PAK5: variants seen among roughly 807,000 people sequenced by gnomAD.
PAK5 encodes p21 (RAC1) activated kinase 5, also known as serine/threonine-protein kinase PAK 5.
A neutral mutation model predicts 65.9 loss-of-function variants in PAK5; 16 were observed. The observed-to-expected ratio is 0.24, with a 90% confidence interval of 0.16 to 0.37. The LOEUF is 0.37. Among genes scored for constraint, PAK5 ranks in the 10% least tolerant of loss-of-function variants. The probability of loss-of-function intolerance (pLI) is 1.00; values close to 1 mark genes in which losing one functional copy is unlikely to be tolerated. For synonymous variants in PAK5, 371 were observed against 354.9 expected (o/e 1.05, Z -0.51); for missense variants, 785 against 903.9 (o/e 0.87, Z 1.69).
chr20:9,716,857 C>A (rs989468691), intron 1 of PAK5, among the ~76,000 whole-genome samples: 5 of 152,026 alleles, frequency 3.3e-5, no homozygotes, highest in African/African-American at 1.2e-4. Flanking sequence ...CAGAGGCAAG[C>A]TGATCACTTG....
intron 3 of PAK5, among the ~76,000 whole-genome samples, chr20:9,594,181 C>G (rs1314456714): frequency 6.6e-6 from 1 of 152,220 alleles, no homozygotes; most frequent in East Asian, 1.9e-4. Context: ...CCTCCTGCCA[C>G]TCAAAGCTTG....
At chr20:9,836,887 G>C (rs745816094) in intron 1 of PAK5, among the ~76,000 whole-genome samples, 2 of 152,264 alleles carry the variant, frequency 1.3e-5, no homozygotes, top group Admixed American at 6.5e-5. Flanking sequence ...AGGAAACTGA[G>C]GCTTAGGAAA....
At chr20:9,544,150 A>AAAC (rs1457286427) in intron 8 of PAK5, among the ~76,000 whole-genome samples, 1 of 152,178 alleles carries the variant, frequency 6.6e-6, no homozygotes, top group African/African-American at 2.4e-5. Flanking sequence ...GGACTGCAAT[A>AAAC]AACAGCCCTT....
At chr20:9,756,241 C>T (rs1362904594) in intron 1 of PAK5, among the ~76,000 whole-genome samples, 7 of 152,116 alleles carry the variant, frequency 4.6e-5, no homozygotes. Flanking sequence ...ATAACCTTTT[C>T]CAGGTTTTAT....
At chr20:9,582,992 G>A (rs554661770) in intron 3 of PAK5, among the ~76,000 whole-genome samples, 1 of 151,966 alleles carries the variant, frequency 6.6e-6, no homozygotes, top group African/African-American at 2.4e-5. Context: ...AGAAGCTCCA[G>A]GTTTATCTTT....
At chr20:9,614,642 A>C (rs1289189919) in intron 3 of PAK5, among the ~76,000 whole-genome samples, 3 of 152,250 alleles carry the variant, frequency 2.0e-5, no homozygotes, top group African/African-American at 4.8e-5. Flanking sequence ...ACTTCATGGA[A>C]ACCATGCAAG....
At chr20:9,630,358 G>T (rs1298816742) in intron 3 of PAK5, among the ~76,000 whole-genome samples, 1 of 152,146 alleles carries the variant, frequency 6.6e-6, no homozygotes, top group Non-Finnish European at 1.5e-5. Flanking sequence ...GAAATTAAAG[G>T]TCTGCCCTAC....
chr20:9,802,910 G>GTGTGTATATATATATATATATA (rs142279832), intron 1 of PAK5, among the ~76,000 whole-genome samples: 2,902 of 46,124 alleles, frequency 0.063, 298 homozygotes, highest in Non-Finnish European at 0.076. Context: ...ATATGTATGT[G>GTGTGTATATATATATATATATA]TATATATATA....
At chr20:9,747,707 T>C (rs1444788201) in intron 1 of PAK5, among the ~76,000 whole-genome samples, 1 of 152,006 alleles carries the variant, frequency 6.6e-6, no homozygotes, top group Admixed American at 6.6e-5. Flanking sequence ...GAGCTATCTA[T>C]GAAAAACCCA....
Position 9,553,108 on chromosome 20 carries a change from C to T in PAK5, c.1743+4500G>A, listed in dbSNP as rs758063560. Reference sequence around the variant, plus strand: ...CTCTCCCTAGTATTCGCATCTTACACGGCTACAGTACAATATCAACACTTG... The same window carrying T: ...CTCTCCCTAGTATTCGCATCTTACATGGCTACAGTACAATATCAACACTTG... On this transcript the variant is annotated intron_variant, in intron 7 of 9. Coordinates refer to ENST00000353224, the MANE Select transcript of PAK5 (RefSeq NM_177990.4). Among the ~76,000 whole-genome samples the T allele has an allele frequency of 7.9e-5, 12 of 152,102 alleles. No homozygotes were observed. In the South Asian group the frequency reaches 1.7e-3, roughly 21 times the overall value.
intron 2 of PAK5, among the ~76,000 whole-genome samples, chr20:9,710,636 T>C (rs2048066978): frequency 4.6e-5 from 7 of 152,154 alleles, no homozygotes; most frequent in Admixed American, 4.6e-4. Flanking sequence ...TGGGGGGTAG[T>C]AGCGACCCCC....
intron 4 of PAK5, among the ~76,000 whole-genome samples, chr20:9,570,567 CTG>C (rs2045763282): frequency 6.6e-6 from 1 of 152,038 alleles, no homozygotes; most frequent in Non-Finnish European, 1.5e-5. Flanking sequence ...AGTTAAACAA[CTG>C]GATTCTTCCT....
intron 1 of PAK5, among the ~76,000 whole-genome samples, chr20:9,712,019 A>G (rs1429335459): frequency 6.6e-6 from 1 of 152,170 alleles, no homozygotes; most frequent in African/African-American, 2.4e-5. Context: ...GGAACTCACA[A>G]TCAACAGCAC....
At chr20:9,715,350 C>T (rs1191575208) in intron 1 of PAK5, among the ~76,000 whole-genome samples, 1 of 152,048 alleles carries the variant, frequency 6.6e-6, no homozygotes, top group Non-Finnish European at 1.5e-5. Flanking sequence ...AATGAGATAC[C>T]TTCTCACACC....
At chr20:9,802,910 G>GTGTGTGTATATATATA (rs142279832) in intron 1 of PAK5, among the ~76,000 whole-genome samples, 7 of 46,360 alleles carry the variant, frequency 1.5e-4, no homozygotes, top group Non-Finnish European at 1.9e-4. Context: ...ATATGTATGT[G>GTGTGTGTATATATATA]TATATATATA....
At chr20:9,713,793 T>TA (rs1487951447) in intron 1 of PAK5, among the ~76,000 whole-genome samples, 1 of 151,832 alleles carries the variant, frequency 6.6e-6, no homozygotes. Context: ...ACATGGGAGC[T>TA]AAAAAAATGT....
At chr20:9,659,493 A>T (rs1326876684) in intron 2 of PAK5, among the ~76,000 whole-genome samples, 2 of 152,072 alleles carry the variant, frequency 1.3e-5, no homozygotes, top group African/African-American at 4.8e-5. Flanking sequence ...TTGTCTGAAA[A>T]CCTCAGAGCT....
chr20:9,701,257 G>T (rs184044705), intron 2 of PAK5, among the ~76,000 whole-genome samples: 1 of 152,140 alleles, frequency 6.6e-6, no homozygotes, highest in Non-Finnish European at 1.5e-5. Flanking sequence ...ACTTTGAAAC[G>T]TGTGAAAATA....
Position 9,618,915 on chromosome 20 carries a change from G to GTTTTTTTTTTTTTTTTTTTTTTTTTT in PAK5, c.204+25184_204+25209dup, listed in dbSNP as rs150725498. On this transcript the variant is annotated intron_variant, in intron 3 of 9. Transcript: ENST00000353224. Reference sequence around the variant, plus strand: ...AGATTCTTTTCTCTCTCTTTCTTTCGTTTTTTTTTTTTTTTTTTTTTTTTT... The same window carrying GTTTTTTTTTTTTTTTTTTTTTTTTTT: ...AGATTCTTTTCTCTCTCTTTCTTTCGTTTTTTTTTTTTTTTTTTTTTTTTTTTTTTTTTTTTTTTTTTTTTTTTTTT... Among the ~76,000 whole-genome samples the GTTTTTTTTTTTTTTTTTTTTTTTTTT allele has an allele frequency of 3.2e-4, 6 of 18,816 alleles. 2 individuals are homozygous for GTTTTTTTTTTTTTTTTTTTTTTTTTT. Among genetic ancestry groups the GTTTTTTTTTTTTTTTTTTTTTTTTTT allele is most frequent in the African/African-American group, 4.7e-4 (2 of 4,244 alleles). 12.3% of individuals were successfully genotyped at this position (18,816 alleles called of 152,430 possible).
Sources: gnomAD v4.1 joint callset for allele counts (sites outside exome capture counted in the v4.1 genomes callset) on GRCh38, gnomAD v4.1.1 for gene constraint, MANE v1.5 for transcripts, NCBI Gene and HGNC (gene_info 2026-07-23, HGNC 2026-07-21) for gene names.